CTNNA2: variants seen among roughly 807,000 people sequenced by gnomAD.
CTNNA2 encodes catenin alpha 2.
In CTNNA2, 42 loss-of-function variants were observed where a neutral mutation model predicts 101.0. The ratio of observed to expected loss-of-function variants is 0.42; its 90% CI spans 0.32 to 0.54. CTNNA2 has a LOEUF of 0.54. Among genes scored for constraint, CTNNA2 ranks in the 20% least tolerant of loss-of-function variants. The pLI is 0.14. For missense variants in CTNNA2, 871 were observed against 1,223.1 expected, an observed-to-expected ratio of 0.71 and a Z score of 4.29; for synonymous variants, 450 against 456.4, an observed-to-expected ratio of 0.99 and a Z score of 0.18.
rs1465276587 is a variant in CTNNA2 at position 79,369,373 on chromosome 2, G to T, written c.-317-4458G>T. Among the ~76,000 whole-genome samples, 3 of 152,176 alleles carry T rather than the reference G, an allele frequency of 2.0e-5. No homozygotes were observed. In the East Asian group the frequency reaches 5.8e-4, roughly 29 times the overall value. On this transcript the variant is annotated intron_variant, in intron 3 of 21. Transcript: ENST00000466387. Reference sequence around the variant, plus strand: ...CCGCAGCCCCCGAGCACTGCCAGCTGCTGCTGCTGCGATCCCAGTGTCTGA... The same window carrying T: ...CCGCAGCCCCCGAGCACTGCCAGCTTCTGCTGCTGCGATCCCAGTGTCTGA...
intron 18 of CTNNA2, among the ~76,000 whole-genome samples, chr2:80,632,260 A>C (rs1384243673): frequency 1.3e-5 from 2 of 150,630 alleles, no homozygotes. Context: ...CTATGGCAAC[A>C]TGACCCCCCC....
intron 7 of CTNNA2, among the ~76,000 whole-genome samples, chr2:79,956,886 T>G (rs988786994): frequency 2.0e-4 from 29 of 141,942 alleles, no homozygotes; most frequent in Admixed American, 1.2e-3. Context: ...TGAAGCTATT[T>G]AAGGCAGTTA....
intron 9 of CTNNA2, among the ~76,000 whole-genome samples, chr2:80,436,133 G>T (rs1458698067): frequency 1.3e-5 from 2 of 152,142 alleles, no homozygotes; most frequent in Admixed American, 1.3e-4. Context: ...TAGAGTCACG[G>T]TCATCGACAT....
At chr2:80,007,928 A>G (rs990306086) in intron 7 of CTNNA2, among the ~76,000 whole-genome samples, 11 of 152,200 alleles carry the variant, frequency 7.2e-5, no homozygotes, top group Non-Finnish European at 1.0e-4. Flanking sequence ...ACCTCTCCTC[A>G]GTTTCGTACT....
chr2:79,791,295 C>T (rs1206149766), intron 3 of CTNNA2, among the ~76,000 whole-genome samples: 4 of 152,256 alleles, frequency 2.6e-5, no homozygotes, highest in Middle Eastern at 6.8e-3. Flanking sequence ...GATCCTGAAG[C>T]CCTAAAGATG....
rs185054361 is a variant in CTNNA2 at position 80,341,969 on chromosome 2, C to T, written c.1057-51242C>T. The stretch of plus-strand genomic sequence containing the variant: ...GTAGTAATGCATGCTACAACATAGA[C>T]GAACCTTAAAAACATTGTGCTAAGT... On this transcript the variant is annotated intron_variant, in intron 7 of 18. Transcript: ENST00000402739. Among the ~76,000 whole-genome samples, 34 of 152,224 alleles carry T rather than the reference C, an allele frequency of 2.2e-4. No homozygotes were observed. The East Asian group carries it at 5.2e-3, about 23-fold the overall frequency.
At chr2:79,963,119 C>T (rs1182463410) in intron 7 of CTNNA2, among the ~76,000 whole-genome samples, 4 of 147,046 alleles carry the variant, frequency 2.7e-5, no homozygotes, top group African/African-American at 5.0e-5. Flanking sequence ...TTGTGTCTCA[C>T]ATATTGCCAT....
intron 3 of CTNNA2, among the ~76,000 whole-genome samples, chr2:79,789,281 T>G (rs982312720): frequency 6.6e-6 from 1 of 152,034 alleles, no homozygotes; most frequent in Non-Finnish European, 1.5e-5. Context: ...AAAAGAAGAA[T>G]AACATTGGAA....
In CTNNA2 at chr2:80,635,885, G is replaced by C. The variant is rs59079815; in HGVS notation, c.2575-11700G>C. 7.6e-3 allele frequency among the ~76,000 whole-genome samples: 1,153 copies of C among 151,224 alleles called. 43 individuals are homozygous for C. The East Asian group carries it at 0.11, about 14-fold the overall frequency. On this transcript the variant is annotated intron_variant, in intron 18 of 18. Coordinates refer to ENST00000402739, the MANE Select transcript of CTNNA2 (RefSeq NM_001282597.3). ...CCAATGAAGAAATGGCAGTAAATGT[G>C]TCACACACTAATCATCCTTGTTTTA...
intron 18 of CTNNA2, among the ~76,000 whole-genome samples, chr2:80,637,838 G>T (rs1008275917): frequency 8.5e-5 from 13 of 152,072 alleles, no homozygotes; most frequent in Admixed American, 8.5e-4. Flanking sequence ...CACCCAAACC[G>T]CAGCCTTTGA....
chr2:79,655,283 A>G (rs1681531020), intron 2 of CTNNA2, among the ~76,000 whole-genome samples: 1 of 152,202 alleles, frequency 6.6e-6, no homozygotes, highest in Admixed American at 6.5e-5. Context: ...AGAAAATATT[A>G]GAATACAGTA....
intron 1 of CTNNA2, among the ~76,000 whole-genome samples, chr2:79,518,981 C>T (rs1177985498): frequency 6.6e-6 from 1 of 152,034 alleles, no homozygotes; most frequent in East Asian, 1.9e-4. Flanking sequence ...GTAATCCCAG[C>T]ACTTTGGGAG....
intron 9 of CTNNA2, among the ~76,000 whole-genome samples, chr2:80,422,574 AT>A (rs1680629804): frequency 6.6e-6 from 1 of 151,726 alleles, no homozygotes; most frequent in Admixed American, 6.6e-5. Flanking sequence ...TGCTTGCTCT[AT>A]GTTTCTTTCA....
At chr2:79,650,638 T>A (rs1342023500) in intron 1 of CTNNA2, among the ~76,000 whole-genome samples, 1 of 151,152 alleles carries the variant, frequency 6.6e-6, no homozygotes, top group Non-Finnish European at 1.5e-5. Context: ...TTTTTAAATG[T>A]ATTTATTTTT....
intron 9 of CTNNA2, among the ~76,000 whole-genome samples, chr2:80,497,081 G>T (rs1333830484): frequency 1.3e-5 from 2 of 152,176 alleles, no homozygotes; most frequent in African/African-American, 4.8e-5. Context: ...TTGAAGTAGA[G>T]CCCGAAAAGT....
At chr2:80,238,906 G>T (rs1020330865) in intron 7 of CTNNA2, among the ~76,000 whole-genome samples, 49 of 152,196 alleles carry the variant, frequency 3.2e-4, no homozygotes, top group African/African-American at 1.1e-3. Flanking sequence ...GGAACAACAT[G>T]CTGATCTGTC....
chr2:79,508,831 A>G (rs906812325), upstream of CTNNA2, among the ~76,000 whole-genome samples: 1 of 151,600 alleles, frequency 6.6e-6, no homozygotes, highest in African/African-American at 2.4e-5. Flanking sequence ...AATATGGTAC[A>G]TTCTACCTAT....
chr2:79,493,053 C>G (rs1486142355), intron 4 of CTNNA2, among the ~76,000 whole-genome samples: 1 of 152,084 alleles, frequency 6.6e-6, no homozygotes, highest in East Asian at 1.9e-4. Flanking sequence ...TTGGGAAAAA[C>G]TTTTTAAACT....
intron 3 of CTNNA2, among the ~76,000 whole-genome samples, chr2:79,829,728 A>AT (rs1479212648): frequency 6.7e-5 from 4 of 59,430 alleles, no homozygotes; most frequent in African/African-American, 2.0e-4. Flanking sequence ...TTATTTATTT[A>AT]TTTATTTTTG....
Sources: allele counts gnomAD v4.1 joint callset (sites outside exome capture counted in the v4.1 genomes callset), GRCh38; gene constraint gnomAD v4.1.1; transcripts MANE v1.5; gene names NCBI Gene and HGNC (gene_info 2026-07-23, HGNC 2026-07-21).